The following MAP7 variants were observed in gnomAD, a reference collection of about 807,000 sequenced individuals.
MAP7 encodes the protein ensconsin.
A neutral mutation model predicts 94.8 loss-of-function variants in MAP7; 52 were observed. That is an observed-to-expected ratio of 0.55 (90% CI 0.44 to 0.69). The LOEUF is 0.69. MAP7 is among the 30% of genes least tolerant of loss of function. MAP7 has a pLI of 0.00. For synonymous variants in MAP7, 350 were observed against 357.0 expected (o/e 0.98, Z 0.22); for missense variants, 940 against 964.6 (o/e 0.97, Z 0.34).
intron 3 of MAP7, among the ~76,000 whole-genome samples, chr6:136,406,011 G>A (rs1004779043): frequency 8.5e-5 from 13 of 152,076 alleles, no homozygotes; most frequent in South Asian, 2.1e-4. Flanking sequence ...TACTATCTAC[G>A]CTTTAAATAT....
At chr6:136,347,992 G>C (rs1038994468) in intron 16 of MAP7, among the ~76,000 whole-genome samples, 4 of 151,222 alleles carry the variant, frequency 2.6e-5, no homozygotes, top group Non-Finnish European at 4.4e-5. Flanking sequence ...CAAGAGTACA[G>C]TCACACACAT....
At chr6:136,542,873 A>C (rs1373836251) in intron 1 of MAP7, among the ~76,000 whole-genome samples, 4 of 152,214 alleles carry the variant, frequency 2.6e-5, no homozygotes, top group African/African-American at 9.6e-5. Flanking sequence ...TTAAAAAGGC[A>C]CTATTTTACT....
intron 1 of MAP7, among the ~76,000 whole-genome samples, chr6:136,483,212 T>C (rs996312110): frequency 2.0e-4 from 30 of 151,158 alleles, no homozygotes; most frequent in African/African-American, 7.3e-4. Flanking sequence ...AACAGCATCA[T>C]GTCCTCTGCA....
chr6:136,536,160 AT>A (rs1436925404), intron 1 of MAP7, among the ~76,000 whole-genome samples: 7 of 152,168 alleles, frequency 4.6e-5, no homozygotes, highest in Non-Finnish European at 8.8e-5. Context: ...AATATTCCTA[AT>A]GCATCAATAA....
intron 1 of MAP7, among the ~76,000 whole-genome samples, chr6:136,424,754 C>T (rs1176348516): frequency 1.3e-5 from 2 of 152,228 alleles, no homozygotes; most frequent in African/African-American, 4.8e-5. Context: ...ACTGGTCCAA[C>T]AAATGACCTG....
intron 1 of MAP7, among the ~76,000 whole-genome samples, chr6:136,434,921 A>AT (rs1795975040): frequency 6.6e-6 from 1 of 152,196 alleles, no homozygotes; most frequent in Admixed American, 6.5e-5. Context: ...TGCAATTTAC[A>AT]TGCTTGCTGT....
chr6:136,407,995 G>A (rs1166051134), intron 3 of MAP7, among the ~76,000 whole-genome samples: 19 of 152,116 alleles, frequency 1.2e-4, no homozygotes, highest in Admixed American at 8.5e-4. Context: ...GTAGAGTTTC[G>A]GGAAACAGGC....
chr6:136,356,544 T>C (rs1177953170), intron 16 of MAP7, 148 bp downstream of exon 16: 2 of 624,840 alleles, frequency 3.2e-6, no homozygotes, highest in African/African-American at 1.8e-5. Context: ...ATTTCCACTT[T>C]CTTGGAGTAC....
intron 1 of MAP7, among the ~76,000 whole-genome samples, chr6:136,453,457 T>C (rs1006428953): frequency 9.9e-5 from 15 of 152,264 alleles, no homozygotes; most frequent in Non-Finnish European, 1.5e-5. Context: ...AGTCTTTAAA[T>C]TCTTTTATTT....
At chr6:136,466,129 T>C (rs554065147) in intron 1 of MAP7, among the ~76,000 whole-genome samples, 2 of 152,268 alleles carry the variant, frequency 1.3e-5, no homozygotes, top group Admixed American at 1.3e-4. Flanking sequence ...AATGAGAGCA[T>C]TCTGGGGAAA....
chr6:136,499,718 G>A (rs754091974), intron 1 of MAP7, among the ~76,000 whole-genome samples: 5 of 152,070 alleles, frequency 3.3e-5, no homozygotes, highest in Admixed American at 6.5e-5. Flanking sequence ...ACCCTGAATG[G>A]CCAGGTGCAG....
At chr6:136,455,362 A>G (rs1364508496) in intron 1 of MAP7, among the ~76,000 whole-genome samples, 2 of 152,178 alleles carry the variant, frequency 1.3e-5, no homozygotes, top group Non-Finnish European at 2.9e-5. Flanking sequence ...AACTGGAGAG[A>G]GCAATAAACA....
chr6:136,400,873 T>C (rs1783867443), intron 3 of MAP7, among the ~76,000 whole-genome samples: 1 of 152,238 alleles, frequency 6.6e-6, no homozygotes, highest in African/African-American at 2.4e-5. Flanking sequence ...TTATTCATTA[T>C]CTGCACATTC....
rs1360547847 is a variant in MAP7 at position 136,389,361 on chromosome 6, TC to T, written c.400del (p.Glu134ArgfsTer52). On this transcript the variant is annotated frameshift_variant, in exon 4 of 18. Coordinates refer to ENST00000354570, the MANE Select transcript of MAP7 (RefSeq NM_003980.6). LOFTEE classifies it high-confidence loss of function. ...TCCCGGGGGGCGGCTCACTTTGTCC[TC>T]CTCAAGTCTCTGCCTCCGCTTCTCC... ...VEEKRRQRLE[E>X]DKERHEAVVR... 6.5e-7 allele frequency: 1 copy of T among 1,534,800 alleles called. No homozygotes were observed. The highest frequency in any genetic ancestry group is 1.3e-5 in the South Asian group (1 of 77,294).
intron 2 of MAP7, among the ~76,000 whole-genome samples, chr6:136,421,500 G>C (rs1406426872): frequency 6.6e-6 from 1 of 152,194 alleles, no homozygotes; most frequent in Non-Finnish European, 1.5e-5. Context: ...ACCAAGGCTT[G>C]GCTTTGAGAG....
intron 13 of MAP7, 62 bp downstream of exon 13, chr6:136,360,635 T>A: frequency 7.0e-7 from 1 of 1,437,346 alleles, no homozygotes. Flanking sequence ...CGGCCAGGGC[T>A]AGTCTCTGGG....
At chr6:136,377,166 C>T (rs1776414330) in intron 7 of MAP7, among the ~76,000 whole-genome samples, 2 of 152,144 alleles carry the variant, frequency 1.3e-5, no homozygotes, top group South Asian at 4.1e-4. Flanking sequence ...GAGTTATAAC[C>T]AATCATCATA....
chr6:136,459,905 TACC>T (rs1401655841), intron 1 of MAP7, among the ~76,000 whole-genome samples: 1 of 152,164 alleles, frequency 6.6e-6, no homozygotes, highest in Non-Finnish European at 1.5e-5. Flanking sequence ...CAAGTATTTT[TACC>T]ACAATGAACA....
At chr6:136,478,117 C>CT (rs1158961474) in intron 1 of MAP7, among the ~76,000 whole-genome samples, 1 of 152,002 alleles carries the variant, frequency 6.6e-6, no homozygotes, top group African/African-American at 2.4e-5. Context: ...CACATTATAC[C>CT]AAAACCTATA....
Sources: allele counts gnomAD v4.1 joint callset (sites outside exome capture counted in the v4.1 genomes callset), GRCh38; gene constraint gnomAD v4.1.1; transcripts MANE v1.5; gene names NCBI Gene and HGNC (gene_info 2026-07-23, HGNC 2026-07-21).